The following SACS variants were observed in gnomAD, a reference collection of about 807,000 sequenced individuals.
The protein encoded by SACS is sacsin.
In SACS, 197 loss-of-function variants were observed where a neutral mutation model predicts 348.0. That is an observed-to-expected ratio of 0.57 (90% confidence interval 0.50 to 0.64). The LOEUF is 0.64. Among genes scored for constraint, SACS ranks in the 30% least tolerant of loss-of-function variants. SACS has a pLI of 0.00. For missense variants in SACS, 4,999 were observed against 5,360.8 expected, an observed-to-expected ratio of 0.93 and a Z score of 2.11; for synonymous variants, 1,985 against 1,910.6, an observed-to-expected ratio of 1.04 and a Z score of -1.02.
Position 23,354,461 on chromosome 13 carries a change from T to A in SACS, c.2093+58A>T, listed in dbSNP as rs549238546. 2.1e-5 allele frequency: 30 copies of A among 1,449,206 alleles called. No individual in the cohort carries two copies. In the African/African-American group the frequency reaches 3.8e-4, roughly 18 times the overall value. The allele number at this position is 1,449,206 out of a possible 1,614,324, so 89.8% of individuals were successfully genotyped here. ...ATTTCACAACAAAGGACTCTCACAG[T>A]GAGCAGGAGCAGGGGAACCCTAAGA... On this transcript the variant is annotated intron_variant, in intron 8 of 9. Coordinates refer to ENST00000382292, the MANE Select transcript of SACS (RefSeq NM_014363.6).
chr13:23,329,511 A>T lies in SACS; in HGVS notation c.*625T>A, dbSNP rs186505479. The T allele has an allele frequency of 9.3e-4, 679 of 726,958 alleles. 3 individuals carry two copies. The African/African-American group carries it at 0.011, about 11-fold the overall frequency. 45.0% of individuals were successfully genotyped at this position (726,958 alleles called of 1,614,324 possible). On this transcript the variant is annotated 3_prime_UTR_variant, in exon 10 of 10. Transcript: ENST00000382292. ...TGTAAACATAAGATGTTAAAAAAAA[A>T]TTTAAATAAAGATGTAAAGTGCACT...
In SACS at chr13:23,354,746, A is replaced by G; in HGVS notation, c.1866T>C (p.Pro622=). ...VQLTAASGTT[P]VRKVTPAWVR... ...CCCACGCGGGCGTCACCTTCCTCACAGGTGTTGTGCCAGAGGCAGCTGTGA... is the reference window on the plus strand; with the variant it reads ...CCCACGCGGGCGTCACCTTCCTCACGGGTGTTGTGCCAGAGGCAGCTGTGA... The change falls in exon 8 of 10, where the codon CCT becomes CCC. Residue 622 remains proline (P), a synonymous_variant. Coordinates refer to ENST00000382292, the MANE Select transcript of SACS (RefSeq NM_014363.6). 1.2e-6 allele frequency: 2 copies of G among 1,613,838 alleles called. No individual in the cohort carries two copies. The highest frequency in any genetic ancestry group is 1.7e-6 in the Non-Finnish European group (2 of 1,179,782).
intron 2 of SACS, among the ~76,000 whole-genome samples, chr13:23,396,886 C>G (rs1462846613): frequency 6.6e-6 from 1 of 152,132 alleles, no homozygotes; most frequent in African/African-American, 2.4e-5. Flanking sequence ...AATAGACATT[C>G]ATTAGCAATT....
intron 2 of SACS, among the ~76,000 whole-genome samples, chr13:23,406,625 A>G (rs1436392269): frequency 6.6e-6 from 1 of 152,228 alleles, no homozygotes; most frequent in Non-Finnish European, 1.5e-5. Context: ...AATTCGTATC[A>G]TGAATTTTAG....
rs1410828291 is a variant in SACS at position 23,364,624 on chromosome 13, C to G, written c.457+542G>C. On this transcript the variant is annotated intron_variant, in intron 6 of 9. Transcript: ENST00000382292. The stretch of plus-strand genomic sequence containing the variant: ...ATGAACATTCTTTTTGACACCAAAG[C>G]TCCCCGGAGTAGAAGTGAGATATTA... Among the ~76,000 whole-genome samples the G allele has an allele frequency of 2.0e-5, 3 of 152,186 alleles. No individual in the cohort carries two copies. In the South Asian group the frequency reaches 6.2e-4, roughly 32 times the overall value.
Position 23,340,700 on chromosome 13 carries a change from T to A in SACS, c.3176A>T (p.Glu1059Val), listed in dbSNP as rs759052862. 3.1e-6 allele frequency: 5 copies of A among 1,591,168 alleles called. No homozygotes were observed. In the Admixed American group the frequency reaches 9.0e-5, roughly 29 times the overall value. ...SAGELFDPDI[E>V]VLKDLFCNEE... ...ATTACAAAAGAGATCCTTTAGTACT[T>A]CTATATCAGGGTCAAAGAGTTCACC... Residue 1059 changes from glutamate (E) to valine (V), a missense_variant, in exon 10 of 10, where the codon GAA becomes GTA. Coordinates refer to ENST00000382292, the MANE Select transcript of SACS (RefSeq NM_014363.6).
Position 23,331,180 on chromosome 13 carries a change from A to C in SACS, c.12696T>G (p.Ser4232Arg). The C allele has an allele frequency of 6.2e-7, 1 of 1,613,692 alleles. No homozygotes were observed. The highest frequency in any genetic ancestry group is 8.5e-7 in the Non-Finnish European group (1 of 1,179,644). The change falls in exon 10 of 10, where the codon AGT becomes AGG. Residue 4232 changes from serine (S) to arginine (R), a missense_variant. Ser to Arg is a moderately radical substitution (Grantham distance 110, BLOSUM62 -1). Around this residue, in one of 6 missense-constraint regions of SACS, gnomAD observed 831 missense variants for 941.8 expected, o/e 0.88. Transcript: ENST00000382292. ...CAAGAGAGCTAACTATTTTATATTC[A>C]CTATAACCAATATCTATCTGATATA... is the stretch of plus-strand genomic sequence containing the variant. ...GKIYQIDIGY[S>R]EYKIVSSLDL...
At position 23,338,989 on chromosome 13, in the gene SACS, T is replaced by C. The variant is rs1419607062; in HGVS notation, c.4887A>G (p.Leu1629=). The C allele has an allele frequency of 1.2e-6, 2 of 1,613,796 alleles. No homozygotes were observed. Among genetic ancestry groups the C allele is most frequent in the Non-Finnish European group, 1.7e-6 (2 of 1,179,924 alleles). The part of the protein sequence containing the change: ...KPFIDVFGCQ[L]PLTVEAPYSY... ...TGTAAGGTGCTTCTACAGTCAAAGGTAACTGACAGCCAAATACATCTATAA... is the reference window on the plus strand; with the variant it reads ...TGTAAGGTGCTTCTACAGTCAAAGGCAACTGACAGCCAAATACATCTATAA... The change falls in exon 10 of 10, where the codon TTA becomes TTG. Residue 1629 remains leucine, a synonymous_variant. Coordinates refer to ENST00000382292, the MANE Select transcript of SACS (RefSeq NM_014363.6).
intron 6 of SACS, among the ~76,000 whole-genome samples, chr13:23,364,349 C>T (rs1342688303): frequency 2.0e-5 from 3 of 152,190 alleles, no homozygotes; most frequent in East Asian, 1.9e-4. Flanking sequence ...GATGTGATCT[C>T]GGCTCACTAC....
In SACS at chr13:23,330,149, T is replaced by G; in HGVS notation, c.13727A>C (p.Gln4576Pro). ...CGTTAAATATCTTCACACTTTTTGT[T>G]GCATAAAATTTTCAAGTTTTATTAT... is the stretch of plus-strand genomic sequence containing the variant. ...CIIIKLENFM[Q>P]QKV is the part of the protein sequence containing the mutation. The change falls in exon 10 of 10, where the codon CAA (glutamine) becomes CCA (proline). Residue 4576 changes from glutamine (Q) to proline (P), a missense_variant. Gln to Pro is a moderately conservative substitution (Grantham distance 76, BLOSUM62 -1). This residue lies in a region of SACS where 254 missense variants were observed against 275.1 expected (regional missense o/e 0.92). Transcript: ENST00000382292. The G allele has an allele frequency of 6.2e-7, 1 of 1,613,828 alleles. No homozygotes were observed. The highest frequency in any genetic ancestry group is 8.5e-7 in the Non-Finnish European group (1 of 1,179,766).
Position 23,340,341 on chromosome 13 carries a change from T to A in SACS, c.3535A>T (p.Asn1179Tyr). 1 of 1,614,002 alleles carries A rather than the reference T, an allele frequency of 6.2e-7. No homozygotes were observed. Among genetic ancestry groups the A allele is most frequent in the African/African-American group, 1.3e-5 (1 of 75,046 alleles). Reference sequence around the variant, plus strand: ...CACATATCTGGTGGTGCACAGAGATTACAGAGATCTCCTTTCCAGACCAAA... The same window carrying A: ...CACATATCTGGTGGTGCACAGAGATAACAGAGATCTCCTTTCCAGACCAAA... Reference protein sequence around the residue: ...GSLVWKGDLCNLCAPPDMCDV... With the variant: ...GSLVWKGDLCYLCAPPDMCDV... The change falls in exon 10 of 10, where the codon AAT becomes TAT. Residue 1179 changes from asparagine to tyrosine, a missense_variant. This residue lies in a region of SACS where 3,156 missense variants were observed against 3,380.1 expected (regional missense o/e 0.93). Coordinates refer to ENST00000382292, the MANE Select transcript of SACS (RefSeq NM_014363.6).
At chr13:23,351,780 C>A (rs978369140) in intron 9 of SACS, among the ~76,000 whole-genome samples, 1 of 152,034 alleles carries the variant, frequency 6.6e-6, no homozygotes, top group African/African-American at 2.4e-5. Context: ...TCTGGGAGTG[C>A]TAACCCACAC....
chr13:23,366,430 GTAAC>G (rs71783881), intron 5 of SACS, among the ~76,000 whole-genome samples: 28,399 of 151,964 alleles, frequency 0.19, 2,901 homozygotes, highest in East Asian at 0.34. Flanking sequence ...TCCTTGTTAC[GTAAC>G]TAACTATTTC....
At chr13:23,426,467 C>G (rs9552957) in intron 1 of SACS, among the ~76,000 whole-genome samples, 73,042 of 151,868 alleles carry the variant, frequency 0.48, 20,074 homozygotes, top group South Asian at 0.64. Context: ...ATGGTGAAAC[C>G]CCGTCTCTAC....
chr13:23,332,888 A>C lies in SACS; in HGVS notation c.10988T>G (p.Phe3663Cys). The C allele has an allele frequency of 6.2e-7, 1 of 1,613,940 alleles. No individual in the cohort carries two copies. Among genetic ancestry groups the C allele is most frequent in the Non-Finnish European group, 8.5e-7 (1 of 1,179,946 alleles). ...FLCPERAPAE[F>C]IRFHPQYQEV... Reference sequence around the variant, plus strand: ...TTGATATTGAGGATGAAATCTAATGAATTCCGCGGGGGCCCGCTCAGGACA... The same window carrying C: ...TTGATATTGAGGATGAAATCTAATGCATTCCGCGGGGGCCCGCTCAGGACA... The change falls in exon 10 of 10, where the codon TTC becomes TGC. Residue 3663 changes from phenylalanine to cysteine, a missense_variant. Physicochemically the swap from Phe to Cys is radical, Grantham distance 205. Coordinates refer to ENST00000382292, the MANE Select transcript of SACS (RefSeq NM_014363.6).
In SACS at chr13:23,341,674, C is replaced by G; in HGVS notation, c.2202G>C (p.Gln734His). 1.2e-6 allele frequency: 2 copies of G among 1,612,620 alleles called. No homozygotes were observed. The highest frequency in any genetic ancestry group is 2.2e-5 in the South Asian group (2 of 91,066). ...ATCGTTCTGGATTTAGAAGCTGCAG[C>G]TGAGTACATGGTCTTCCTGTAAATC... is the stretch of plus-strand genomic sequence containing the variant. ...AAQTRGRPCT[Q>H]LQLLNPERFA... The change falls in exon 10 of 10, where the codon CAG (glutamine) becomes CAC (histidine). Residue 734 changes from glutamine (Q) to histidine (H), a missense_variant. By Grantham distance (24) the Gln-to-His change is conservative. This residue lies in a region of SACS where 3,156 missense variants were observed against 3,380.1 expected (regional missense o/e 0.93). Coordinates refer to ENST00000382292, the MANE Select transcript of SACS (RefSeq NM_014363.6).
chr13:23,413,924 A>G (rs147387260), intron 1 of SACS, among the ~76,000 whole-genome samples: 1,758 of 152,318 alleles, frequency 0.012, 24 homozygotes, highest in African/African-American at 0.04. Flanking sequence ...TAGACTTAAA[A>G]TTGGACTCCA....
rs761675141 is a variant in SACS at position 23,330,572 on chromosome 13, G to A, written c.13304C>T (p.Pro4435Leu). Reference protein sequence around the residue: ...GQTYSQRFFVPPTFKSVGNPV... With the variant: ...GQTYSQRFFVLPTFKSVGNPV... ...ATTGCCAACCGACTTGAAAGTGGGA[G>A]GAACAAAGAACCTTTGAGAGTAAGT... The change falls in exon 10 of 10, where the codon CCT (proline) becomes CTT (leucine). Residue 4435 changes from proline (P) to leucine (L), a missense_variant. Physicochemically the swap from Pro to Leu is moderately conservative, Grantham distance 98 (BLOSUM62 -3). Around this residue, in one of 6 missense-constraint regions of SACS, gnomAD observed 254 missense variants for 275.1 expected, o/e 0.92. Coordinates refer to ENST00000382292, the MANE Select transcript of SACS (RefSeq NM_014363.6). 6 of 1,613,998 alleles carry A rather than the reference G, an allele frequency of 3.7e-6. No homozygotes were observed. The South Asian group carries it at 6.6e-5, about 18-fold the overall frequency.
In SACS at chr13:23,353,790, G is replaced by A. The variant is rs61760905; in HGVS notation, c.2180C>T (p.Thr727Ile). 1.3e-6 allele frequency: 2 copies of A among 1,575,706 alleles called. No homozygotes were observed. The highest frequency in any genetic ancestry group is 1.3e-5 in the African/African-American group (1 of 74,210). The change falls in exon 9 of 10, where the codon ACC (threonine) becomes ATC (isoleucine). Residue 727 changes from threonine (T) to isoleucine (I), a missense_variant. By Grantham distance (89) the Thr-to-Ile change is moderately conservative. Coordinates refer to ENST00000382292, the MANE Select transcript of SACS (RefSeq NM_014363.6). ...LVAALKEAAQ[T>I]RGRPCTQLQL... ...AGAATACTAAACTATAATACCTCGG[G>A]TTTGGGCAGCTTCCTTTAAAGCAGC... is the stretch of plus-strand genomic sequence containing the variant.
Sources: allele counts gnomAD v4.1 joint callset (sites outside exome capture counted in the v4.1 genomes callset), GRCh38; gene constraint gnomAD v4.1.1; regional missense constraint gnomAD v4.1.1; transcripts MANE v1.5; gene names NCBI Gene and HGNC (gene_info 2026-07-23, HGNC 2026-07-21).